SMIM8: variants seen among roughly 807,000 people sequenced by gnomAD.
SMIM8 encodes small integral membrane protein 8, also known as UPF0708 protein C6orf162.
A neutral mutation model predicts 8.1 loss-of-function variants in SMIM8; 8 were observed. The observed-to-expected ratio is 0.99, with a 90% confidence interval of 0.58 to 1.78. The LOEUF (loss-of-function observed/expected upper bound fraction) is 1.78, where lower values mean the gene tolerates loss of function less well. Among genes scored for constraint, SMIM8 ranks in the 40% most tolerant of loss-of-function variants. SMIM8 has a pLI of 0.00. For missense variants in SMIM8, 126 were observed against 119.8 expected (o/e 1.05, Z -0.24); for synonymous variants, 45 against 39.7 (o/e 1.13, Z -0.50).
intron 3 of SMIM8, 84 bp from the exon 4 acceptor site, chr6:87,340,032 G>T: frequency 9.3e-7 from 1 of 1,072,672 alleles, no homozygotes. Flanking sequence ...GATGTGGCAT[G>T]TCAGGAGGAA....
chr6:87,337,722 G>A (rs1182568991), intron 3 of SMIM8, among the ~76,000 whole-genome samples: 2 of 152,152 alleles, frequency 1.3e-5, no homozygotes, highest in African/African-American at 2.4e-5. Flanking sequence ...AAACCCCTGG[G>A]CTCAAGGGAT....
intron 2 of SMIM8, among the ~76,000 whole-genome samples, chr6:87,332,690 A>C (rs1024344395): frequency 8.6e-5 from 2 of 23,150 alleles, no homozygotes; most frequent in African/African-American, 4.9e-4. Context: ...GTGCTCTGCA[A>C]TATGAACTTC....
In SMIM8 at chr6:87,337,048, A is replaced by G. The variant is rs1777128759; in HGVS notation, c.17A>G (p.Glu6Gly). The G allele has an allele frequency of 6.2e-7, 1 of 1,611,308 alleles. No individual in the cohort carries two copies. The highest frequency in any genetic ancestry group is 8.5e-7 in the Non-Finnish European group (1 of 1,178,670). ...TTGATCAAGATGTCTTCAGCACCTG[A>G]GCCTCCAACATTCAAAAAGGAACCA... MSSAP[E>G]PPTFKKEPPK... is the part of the protein sequence containing the mutation. The change falls in exon 3 of 4, where the codon GAG (glutamate) becomes GGG (glycine). Residue 6 changes from glutamate (E) to glycine (G), a missense_variant. Transcript: ENST00000392863.
chr6:87,328,828 A>G (rs1450167472), intron 1 of SMIM8, among the ~76,000 whole-genome samples: 4 of 152,200 alleles, frequency 2.6e-5, no homozygotes, highest in South Asian at 4.1e-4. Context: ...AGCCTGGGCA[A>G]TGGCGGGCGC....
At chr6:87,338,645 T>G (rs1777160944) in intron 3 of SMIM8, among the ~76,000 whole-genome samples, 1 of 152,178 alleles carries the variant, frequency 6.6e-6, no homozygotes, top group South Asian at 2.1e-4. Context: ...AATGCCTCTC[T>G]GGGCCTGATA....
At chr6:87,335,477 C>T (rs572192914) in intron 2 of SMIM8, among the ~76,000 whole-genome samples, 1 of 152,134 alleles carries the variant, frequency 6.6e-6, no homozygotes, top group South Asian at 2.1e-4. Flanking sequence ...CAACAGTGAA[C>T]ATTTCTGAAG....
intron 1 of SMIM8, among the ~76,000 whole-genome samples, chr6:87,324,716 T>A (rs1776772272): frequency 1.3e-5 from 2 of 152,036 alleles, no homozygotes; most frequent in Non-Finnish European, 1.5e-5. Context: ...TACCTCCAGC[T>A]TTGTTCTTTT....
rs1355019061 is a variant in SMIM8 at position 87,322,652 on chromosome 6, GTGT to G, written c.-45+23_-45+25del. On this transcript the variant is annotated intron_variant, in intron 1 of 3. Transcript: ENST00000392863. Reference sequence around the variant, plus strand: ...CGAAAGGTAAGCGGCGGCTTCGGTGGTGTTGAGTGGCTGGGCGCCGGCCTGGAG... The same window carrying G: ...CGAAAGGTAAGCGGCGGCTTCGGTGGTGAGTGGCTGGGCGCCGGCCTGGAG... 6.6e-6 allele frequency: 1 copy of G among 152,360 alleles called. No homozygotes were observed. The highest frequency in any genetic ancestry group is 1.5e-5 in the Non-Finnish European group (1 of 68,188). The allele number at this position is 152,360 out of a possible 1,614,324, so 9.4% of individuals were successfully genotyped here. A position where few individuals can be genotyped will look rare whatever the true frequency, so the allele number is the denominator to read the frequency against.
chr6:87,330,598 C>T (rs143976350), intron 1 of SMIM8, 94 bp from the exon 2 acceptor site: 1 of 152,120 alleles, frequency 6.6e-6, no homozygotes, highest in Non-Finnish European at 1.5e-5. Context: ...ACTATTCTTA[C>T]ACTTTGAGAT....
rs141397477 is a variant in SMIM8, at chr6:87,328,983, G to T, written c.-44-1709G>T. Reference sequence around the variant, plus strand: ...GCCATTTTTTAAGCCCGTCGGAAAAGCGCAGGATTCGGGTGGGAGTGACCC... The same window carrying T: ...GCCATTTTTTAAGCCCGTCGGAAAATCGCAGGATTCGGGTGGGAGTGACCC... On this transcript the variant is annotated intron_variant, in intron 1 of 3. Transcript: ENST00000392863. 6.2e-3 allele frequency among the ~76,000 whole-genome samples: 949 copies of T among 152,334 alleles called. 14 individuals are homozygous for T. Among genetic ancestry groups the T allele is most frequent in the African/African-American group, 0.022 (912 of 41,572 alleles).
At chr6:87,323,330 T>A (rs1776719635) in intron 1 of SMIM8, among the ~76,000 whole-genome samples, 1 of 152,174 alleles carries the variant, frequency 6.6e-6, no homozygotes, top group African/African-American at 2.4e-5. Flanking sequence ...ATGTGCAGGT[T>A]AGTTACATAT....
intron 2 of SMIM8, among the ~76,000 whole-genome samples, chr6:87,336,139 C>G (rs1453962805): frequency 6.6e-6 from 1 of 152,142 alleles, no homozygotes; most frequent in Non-Finnish European, 1.5e-5. Context: ...GCATTTCCCC[C>G]AAATAATTTT....
At chr6:87,331,814 A>T (rs1777001579) in intron 2 of SMIM8, among the ~76,000 whole-genome samples, 1 of 152,176 alleles carries the variant, frequency 6.6e-6, no homozygotes, top group Non-Finnish European at 1.5e-5. Context: ...GAGAAGCAGC[A>T]ATAAAACTGA....
In SMIM8 at chr6:87,341,041, G is replaced by T. The variant is rs745846224; in HGVS notation, c.*767G>T. The T allele has an allele frequency of 8.4e-6, 3 of 357,456 alleles. No homozygotes were observed. The highest frequency in any genetic ancestry group is 5.0e-6 in the Non-Finnish European group (1 of 201,670). The allele number at this position is 357,456 out of a possible 1,614,324, so 22.1% of individuals were successfully genotyped here. On this transcript the variant is annotated 3_prime_UTR_variant, in exon 4 of 4. Transcript: ENST00000392863. ...ATGTTAATTAATGTTAATTAATTTT[G>T]TTTATGTTAATTTGTGTTAATTAAT...
intron 1 of SMIM8, 76 bp downstream of exon 1, chr6:87,322,708 C>G (rs776614760): frequency 2.6e-5 from 4 of 152,204 alleles, no homozygotes; most frequent in Non-Finnish European, 5.9e-5. Context: ...CCATCACGCT[C>G]CCGTCTCTGC....
chr6:87,333,282 G>A (rs767340076), intron 2 of SMIM8, among the ~76,000 whole-genome samples: 4 of 152,116 alleles, frequency 2.6e-5, no homozygotes, highest in Non-Finnish European at 5.9e-5. Flanking sequence ...CCCCGAGGAA[G>A]GGTATTAATC....
intron 1 of SMIM8, among the ~76,000 whole-genome samples, chr6:87,326,198 T>A (rs1416142789): frequency 2.0e-5 from 3 of 152,240 alleles, no homozygotes; most frequent in African/African-American, 7.2e-5. Flanking sequence ...TCAATTTTGT[T>A]GATCCGTTCA....
intron 1 of SMIM8, chr6:87,329,291 T>TGTC (rs1776932848): frequency 6.5e-6 from 1 of 153,128 alleles, no homozygotes; most frequent in African/African-American, 2.4e-5. Flanking sequence ...TTGTTTTGTT[T>TGTC]TTAGACAGAG....
intron 1 of SMIM8, among the ~76,000 whole-genome samples, chr6:87,328,048 A>G (rs375351067): frequency 6.6e-6 from 1 of 151,980 alleles, no homozygotes; most frequent in Non-Finnish European, 1.5e-5. Flanking sequence ...TGATCGCATC[A>G]GCTCCTGAGG....
Sources: gnomAD v4.1 joint callset for allele counts (sites outside exome capture counted in the v4.1 genomes callset) on GRCh38, gnomAD v4.1.1 for gene constraint, MANE v1.5 for transcripts, NCBI Gene and HGNC (gene_info 2026-07-23, HGNC 2026-07-21) for gene names.